Variants in ASAP1 observed in about 807,000 individuals in gnomAD.
ASAP1 encodes arf-GAP with SH3 domain, ANK repeat and PH domain-containing protein 1.
A neutral mutation model predicts 145.2 loss-of-function variants in ASAP1; 43 were observed. The ratio of observed to expected loss-of-function variants is 0.30; its 90% CI spans 0.23 to 0.38. The LOEUF is 0.38. Among genes scored for constraint, ASAP1 ranks in the 10% least tolerant of loss-of-function variants. The pLI is 1.00. For synonymous variants in ASAP1, 546 were observed against 515.5 expected (o/e 1.06, Z -0.80); for missense variants, 1,018 against 1,355.3 (o/e 0.75, Z 3.91).
At chr8:130,236,507 C>G (rs1358464757) in intron 4 of ASAP1, among the ~76,000 whole-genome samples, 1 of 152,078 alleles carries the variant, frequency 6.6e-6, no homozygotes, top group African/African-American at 2.4e-5. Context: ...CCCCTCCTCT[C>G]TAACTTTTTC....
chr8:130,052,986 T>A lies in ASAP1; in HGVS notation c.*1745A>T, dbSNP rs1422858643. The A allele has an allele frequency of 6.6e-6, 1 of 152,216 alleles. No individual in the cohort carries two copies. The highest frequency in any genetic ancestry group is 2.4e-5 in the African/African-American group (1 of 41,446). The allele number at this position is 152,216 out of a possible 1,614,324, so 9.4% of individuals were successfully genotyped here. A position where few individuals can be genotyped will look rare whatever the true frequency, so the allele number is the denominator to read the frequency against. The stretch of plus-strand genomic sequence containing the variant: ...TCTGTTTGGTGTGGAAATTCACATG[T>A]GCCCTGACACTGAGGAAGCAATTGC... On this transcript the variant is annotated 3_prime_UTR_variant, in exon 30 of 30. Transcript: ENST00000518721.
chr8:130,395,884 T>C (rs746096499), intron 2 of ASAP1, among the ~76,000 whole-genome samples: 1 of 152,102 alleles, frequency 6.6e-6, no homozygotes, highest in Non-Finnish European at 1.5e-5. Context: ...TAGGCTGATC[T>C]CGAACTCCTG....
chr8:130,400,813 G>T (rs1290314157), intron 2 of ASAP1, among the ~76,000 whole-genome samples: 1 of 151,618 alleles, frequency 6.6e-6, no homozygotes, highest in African/African-American at 2.4e-5. Context: ...AAAAGGCAAG[G>T]GTCCTGCAGT....
intron 29 of ASAP1, among the ~76,000 whole-genome samples, chr8:130,055,805 G>C (rs1298782494): frequency 1.3e-5 from 2 of 152,234 alleles, no homozygotes; most frequent in African/African-American, 4.8e-5. Context: ...AGAGAGGAAG[G>C]TGGTTTTAAG....
chr8:130,163,180 A>C (rs2097673150), intron 11 of ASAP1: 1 of 152,466 alleles, frequency 6.6e-6, no homozygotes, highest in African/African-American at 2.4e-5. Context: ...CTAGGCACTC[A>C]ATCAAAAACA....
chr8:130,295,340 T>C (rs943307749), intron 3 of ASAP1, among the ~76,000 whole-genome samples: 1 of 144,956 alleles, frequency 6.9e-6, no homozygotes, highest in South Asian at 2.2e-4. Flanking sequence ...ATAGTAACTC[T>C]TTTTTTTTTT....
At position 130,401,881 on chromosome 8, in the gene ASAP1, T is replaced by A. The variant is rs772619960; in HGVS notation, c.59+4A>T. 2.5e-6 allele frequency: 4 copies of A among 1,613,448 alleles called. No individual in the cohort carries two copies. In the South Asian group the frequency reaches 4.4e-5, roughly 18 times the overall value. ...CTGGACAGGATGGGCTAGAGATCAC[T>A]CACCGATTCCATAGTGAATCTCTCG... On this transcript the variant is annotated splice_donor_region_variant and intron_variant, in intron 2 of 29. Coordinates refer to ENST00000518721, the MANE Select transcript of ASAP1 (RefSeq NM_018482.4).
chr8:130,136,838 T>C (rs1011251977), intron 14 of ASAP1, 113 bp downstream of exon 14: 2 of 893,760 alleles, frequency 2.2e-6, no homozygotes, highest in Non-Finnish European at 3.7e-6. Context: ...GGAATAACTG[T>C]TCCAATGCCA....
rs146550332 is a variant in ASAP1 at position 130,128,546 on chromosome 8, C to T, written c.1218-456G>A. On this transcript the variant is annotated intron_variant, in intron 15 of 29. Coordinates refer to ENST00000518721, the MANE Select transcript of ASAP1 (RefSeq NM_018482.4). ...AAAAGGTATGTATTTTCTGCAAGTC[C>T]ATGTCAGTGGGGACACTTAACAGTG... 1.8e-3 allele frequency among the ~76,000 whole-genome samples: 271 copies of T among 152,162 alleles called. 1 individual carries two copies. Among genetic ancestry groups the T allele is most frequent in the African/African-American group, 6.3e-3 (262 of 41,516 alleles).
chr8:130,378,730 C>G (rs1768561654), intron 2 of ASAP1, among the ~76,000 whole-genome samples: 1 of 152,218 alleles, frequency 6.6e-6, no homozygotes, highest in Non-Finnish European at 1.5e-5. Flanking sequence ...TGGGCCTGCC[C>G]TGGGCACCGC....
intron 3 of ASAP1, among the ~76,000 whole-genome samples, chr8:130,308,500 TTGAG>T (rs1823128722): frequency 6.6e-6 from 1 of 152,162 alleles, no homozygotes; most frequent in Admixed American, 6.5e-5. Flanking sequence ...TAAGCAAAAA[TTGAG>T]TAAGTGTAAC....
At chr8:130,255,047 A>C (rs1406064586) in intron 3 of ASAP1, among the ~76,000 whole-genome samples, 1 of 152,202 alleles carries the variant, frequency 6.6e-6, no homozygotes, top group Admixed American at 6.6e-5. Flanking sequence ...CATAAGTAAT[A>C]AATGTCTCGA....
chr8:130,282,362 C>T (rs1221376481), intron 3 of ASAP1, among the ~76,000 whole-genome samples: 3 of 152,272 alleles, frequency 2.0e-5, no homozygotes, highest in South Asian at 4.1e-4. Flanking sequence ...AACTACAAAT[C>T]GCTTTTGCAT....
At chr8:130,419,701 A>G (rs2138696030) in intron 1 of ASAP1, among the ~76,000 whole-genome samples, 1 of 152,178 alleles carries the variant, frequency 6.6e-6, no homozygotes, top group South Asian at 2.1e-4. Flanking sequence ...CCCCAGCAGA[A>G]GACAGGAGGG....
intron 26 of ASAP1, 130 bp from the exon 27 acceptor site, chr8:130,076,536 T>C (rs891174347): frequency 1.4e-6 from 1 of 700,170 alleles, no homozygotes; most frequent in Non-Finnish European, 2.3e-6. Context: ...TTTCCTTTTT[T>C]TTTGAGATGG....
intron 1 of ASAP1, among the ~76,000 whole-genome samples, chr8:130,422,859 C>T (rs182193864): frequency 7.2e-4 from 109 of 152,292 alleles, no homozygotes; most frequent in Non-Finnish European, 2.2e-4. Flanking sequence ...TCCACTGCTG[C>T]CTTCTATTAT....
At chr8:130,199,277 G>C (rs1815710836) in intron 5 of ASAP1, among the ~76,000 whole-genome samples, 1 of 152,202 alleles carries the variant, frequency 6.6e-6, no homozygotes, top group Non-Finnish European at 1.5e-5. Flanking sequence ...GTGTTGACTT[G>C]TTCTATACAC....
At chr8:130,248,448 T>C (rs1818990830) in intron 3 of ASAP1, among the ~76,000 whole-genome samples, 1 of 152,014 alleles carries the variant, frequency 6.6e-6, no homozygotes, top group Admixed American at 6.6e-5. Flanking sequence ...ATCAGATGCC[T>C]GAAACAAGTG....
intron 16 of ASAP1, 135 bp from the exon 17 acceptor site, chr8:130,126,224 CT>C: frequency 1.2e-6 from 1 of 866,584 alleles, no homozygotes. Flanking sequence ...GAAATGGACT[CT>C]TGAGGTTTAG....
Sources: allele counts gnomAD v4.1 joint callset (sites outside exome capture counted in the v4.1 genomes callset), GRCh38; gene constraint gnomAD v4.1.1; transcripts MANE v1.5; gene names NCBI Gene and HGNC (gene_info 2026-07-23, HGNC 2026-07-21).